METAP1: variants seen among roughly 807,000 people sequenced by gnomAD.
METAP1 encodes the protein methionine aminopeptidase 1.
A neutral mutation model predicts 53.8 loss-of-function variants in METAP1; 28 were observed. The ratio of observed to expected loss-of-function variants is 0.52; its 90% CI spans 0.39 to 0.71. METAP1 has a LOEUF of 0.71. Among genes scored for constraint, METAP1 ranks in the 30% least tolerant of loss-of-function variants. METAP1 has a pLI of 0.00. For synonymous variants in METAP1, 181 were observed against 165.7 expected, an observed-to-expected ratio of 1.09 and a Z score of -0.71; for missense variants, 389 against 479.8, an observed-to-expected ratio of 0.81 and a Z score of 1.77.
intron 1 of METAP1, among the ~76,000 whole-genome samples, chr4:99,010,597 AT>A (rs1356222797): frequency 1.3e-5 from 2 of 152,218 alleles, no homozygotes; most frequent in Non-Finnish European, 2.9e-5. Context: ...ATGTTTTGAT[AT>A]CAGGAAGTGT....
At chr4:99,014,891 C>T (rs1250289060) in intron 1 of METAP1, among the ~76,000 whole-genome samples, 1 of 152,194 alleles carries the variant, frequency 6.6e-6, no homozygotes, top group African/African-American at 2.4e-5. Context: ...TTGAGTTCTC[C>T]TCCTGCTGTG....
intron 2 of METAP1, among the ~76,000 whole-genome samples, chr4:99,032,839 G>A (rs1183075827): frequency 6.6e-6 from 1 of 152,192 alleles, no homozygotes. Context: ...GTCCTGTGAG[G>A]AGAAAGTTTT....
chr4:99,006,053 T>G (rs1196919494), intron 1 of METAP1, among the ~76,000 whole-genome samples: 2 of 152,216 alleles, frequency 1.3e-5, no homozygotes, highest in East Asian at 1.9e-4. Context: ...ATAGAGAGTT[T>G]ATGTTGTTTC....
In METAP1 at chr4:99,062,442, T is replaced by A. The variant is rs1473424873; in HGVS notation, c.*1125T>A. On this transcript the variant is annotated 3_prime_UTR_variant, in exon 11 of 11. Transcript: ENST00000296411. The stretch of plus-strand genomic sequence containing the variant: ...GACCTCAGCTGCCCCATATCTACGT[T>A]CCTTTCAGCAGTTGTCCAAGTAGGA... The A allele has an allele frequency of 1.3e-5, 2 of 152,632 alleles. No individual in the cohort carries two copies. The highest frequency in any genetic ancestry group is 2.9e-5 in the Non-Finnish European group (2 of 68,040). The allele number at this position is 152,632 out of a possible 1,614,324, so 9.5% of individuals were successfully genotyped here. A position where few individuals can be genotyped will look rare whatever the true frequency, so the allele number is the denominator to read the frequency against.
At chr4:99,018,711 A>G (rs1440600184) in intron 1 of METAP1, among the ~76,000 whole-genome samples, 1 of 152,180 alleles carries the variant, frequency 6.6e-6, no homozygotes, top group Non-Finnish European at 1.5e-5. Context: ...TCTTGTACTA[A>G]TAGGTAGGAT....
intron 1 of METAP1, among the ~76,000 whole-genome samples, chr4:99,015,851 A>G (rs1723730107): frequency 6.6e-6 from 1 of 152,232 alleles, no homozygotes; most frequent in Non-Finnish European, 1.5e-5. Context: ...GAGGAAAGAA[A>G]GAAAAATAGA....
chr4:99,017,497 T>C (rs998532227), intron 1 of METAP1, among the ~76,000 whole-genome samples: 1 of 152,234 alleles, frequency 6.6e-6, no homozygotes, highest in African/African-American at 2.4e-5. Context: ...AAATGTTGTC[T>C]TGTTTTATAA....
At chr4:99,028,231 C>T (rs780264144) in intron 1 of METAP1, among the ~76,000 whole-genome samples, 1 of 152,062 alleles carries the variant, frequency 6.6e-6, no homozygotes, top group Admixed American at 6.6e-5. Context: ...CCCAGTTTGC[C>T]ACTTCTTACT....
chr4:99,018,638 T>C (rs1039369289), intron 1 of METAP1, among the ~76,000 whole-genome samples: 1 of 152,164 alleles, frequency 6.6e-6, no homozygotes, highest in African/African-American at 2.4e-5. Context: ...TTTACTAAGG[T>C]TAATATATGG....
intron 1 of METAP1, among the ~76,000 whole-genome samples, chr4:99,003,656 GT>G (rs1171629664): frequency 6.6e-6 from 1 of 152,124 alleles, no homozygotes; most frequent in East Asian, 1.9e-4. Flanking sequence ...TTTCTAAATT[GT>G]TTTTGATATT....
intron 3 of METAP1, 38 bp from the exon 4 acceptor site, chr4:99,035,362 T>G (rs1174469547): frequency 1.4e-5 from 21 of 1,450,782 alleles, no homozygotes; most frequent in Non-Finnish European, 1.9e-5. Context: ...TTATTTATTT[T>G]TCGTTGGTAA....
chr4:99,039,992 G>T (rs1725741948), intron 5 of METAP1, among the ~76,000 whole-genome samples: 1 of 152,186 alleles, frequency 6.6e-6, no homozygotes, highest in Non-Finnish European at 1.5e-5. Flanking sequence ...CTCCCACAGT[G>T]CTGGGATTAC....
rs573738025 is a variant in METAP1, at chr4:99,033,465, C to G, written c.167-765C>G. 1.5e-3 allele frequency among the ~76,000 whole-genome samples: 233 copies of G among 152,178 alleles called. 1 individual carries two copies. The highest frequency in any genetic ancestry group is 3.4e-3 in the Middle Eastern group (1 of 294). On this transcript the variant is annotated intron_variant, in intron 2 of 10. Coordinates refer to ENST00000296411, the MANE Select transcript of METAP1 (RefSeq NM_015143.3). ...TTTACTATGTGAATAAGAGGTGCAG[C>G]CAGTATGTTGACATCACAGGCACCA...
At chr4:99,030,054 A>G (rs1032964349) in intron 2 of METAP1, among the ~76,000 whole-genome samples, 1 of 152,130 alleles carries the variant, frequency 6.6e-6, no homozygotes, top group Non-Finnish European at 1.5e-5. Flanking sequence ...TCACTTAACT[A>G]TATTCATTCA....
At chr4:99,035,496 T>G (rs748496724) in intron 4 of METAP1, 36 bp downstream of exon 4, 1 of 1,468,064 alleles carries the variant, frequency 6.8e-7, no homozygotes, top group South Asian at 1.2e-5. Flanking sequence ...ATTTTTCAAT[T>G]TGTGGGCTTG....
At chr4:99,046,734 TG>T (rs984316531) in intron 8 of METAP1, among the ~76,000 whole-genome samples, 1 of 152,058 alleles carries the variant, frequency 6.6e-6, no homozygotes, top group Non-Finnish European at 1.5e-5. Flanking sequence ...ATGATATTTT[TG>T]TGTATCAGGT....
At chr4:99,024,786 GGGTTT>G (rs1724435627) in intron 1 of METAP1, among the ~76,000 whole-genome samples, 1 of 152,188 alleles carries the variant, frequency 6.6e-6, no homozygotes, top group African/African-American at 2.4e-5. Flanking sequence ...CCAGGAAGAA[GGGTTT>G]GGTTTGTGAA....
chr4:99,018,187 C>T (rs1213726131), intron 1 of METAP1, among the ~76,000 whole-genome samples: 1 of 152,166 alleles, frequency 6.6e-6, no homozygotes, highest in African/African-American at 2.4e-5. Flanking sequence ...GAGACATTTC[C>T]CTCGACCTGT....
Position 99,048,720 on chromosome 4 carries a change from T to C in METAP1, c.788-13T>C, listed in dbSNP as rs1391689927. 1.2e-6 allele frequency: 2 copies of C among 1,612,630 alleles called. No homozygotes were observed. The highest frequency in any genetic ancestry group is 2.7e-5 in the African/African-American group (2 of 74,802). ...GTTATTAGTTTATCATGAATTTTCT[T>C]TTTTCCTTTCAGTGAAGCCTGGTGT... On this transcript the variant is annotated splice_polypyrimidine_tract_variant and intron_variant, in intron 8 of 10. Transcript: ENST00000296411.
Sources: allele counts gnomAD v4.1 joint callset (sites outside exome capture counted in the v4.1 genomes callset), GRCh38; gene constraint gnomAD v4.1.1; transcripts MANE v1.5; gene names NCBI Gene and HGNC (gene_info 2026-07-23, HGNC 2026-07-21).